PTPRN2: variants seen among roughly 807,000 people sequenced by gnomAD.
PTPRN2 encodes protein tyrosine phosphatase receptor type N2, also known as receptor-type tyrosine-protein phosphatase N2.
Under a neutral mutation model 118.8 loss-of-function variants are expected in PTPRN2, and 74 were observed. The observed-to-expected ratio is 0.62, with a 90% CI of 0.52 to 0.76. The LOEUF (loss-of-function observed/expected upper bound fraction) is 0.76. PTPRN2 is among the 30% of genes least tolerant of loss of function. The probability of loss-of-function intolerance (pLI) is 0.00; values close to 1 mark genes in which losing one functional copy is unlikely to be tolerated. For synonymous variants in PTPRN2, 641 were observed against 608.0 expected (o/e 1.05, Z -0.80); for missense variants, 1,481 against 1,394.4 (o/e 1.06, Z -0.99).
At chr7:158,211,418 G>A (rs1827593792) in intron 3 of PTPRN2, among the ~76,000 whole-genome samples, 1 of 152,100 alleles carries the variant, frequency 6.6e-6, no homozygotes, top group Non-Finnish European at 1.5e-5. Flanking sequence ...ACAAAGTGAA[G>A]AGATACCCAC....
At chr7:158,143,136 C>G (rs1415547116) in intron 6 of PTPRN2, among the ~76,000 whole-genome samples, 4 of 152,182 alleles carry the variant, frequency 2.6e-5, no homozygotes, top group Admixed American at 2.6e-4. Context: ...CGCTCGTCCA[C>G]GTCCACAGGT....
chr7:158,228,616 G>A (rs1395816781), intron 3 of PTPRN2, among the ~76,000 whole-genome samples: 4 of 151,710 alleles, frequency 2.6e-5, no homozygotes, highest in African/African-American at 9.7e-5. Context: ...TACAAAAGGA[G>A]ACAGTTCCCA....
Position 158,066,558 on chromosome 7 carries a change from G to A in PTPRN2, c.1723+14740C>T, listed in dbSNP as rs187016476. Among the ~76,000 whole-genome samples the A allele has an allele frequency of 4.9e-4, 75 of 152,186 alleles. 1 individual carries two copies. The Middle Eastern group carries it at 0.014, about 28-fold the overall frequency. ...TGTCACAAGACATTTACAAAACACC[G>A]TGGAGAAATTCCAAAACCAGGCACT... On this transcript the variant is annotated intron_variant, in intron 11 of 22. Transcript: ENST00000389418.
chr7:157,800,266 C>A (rs1585502168), intron 12 of PTPRN2, among the ~76,000 whole-genome samples: 1 of 152,340 alleles, frequency 6.6e-6, no homozygotes, highest in East Asian at 1.9e-4. Flanking sequence ...TTCTTCTCGT[C>A]CTAACGCTCA....
At chr7:158,583,615 C>A (rs1232981635) in intron 1 of PTPRN2, among the ~76,000 whole-genome samples, 1 of 152,198 alleles carries the variant, frequency 6.6e-6, no homozygotes, top group Non-Finnish European at 1.5e-5. Context: ...CCATTCCCTG[C>A]CCATCCCTTC....
In PTPRN2 at chr7:157,881,166, G is replaced by T. The variant is rs772660552; in HGVS notation, c.1788+17507C>A. On this transcript the variant is annotated intron_variant, in intron 12 of 22. Coordinates refer to ENST00000389418, the MANE Select transcript of PTPRN2 (RefSeq NM_002847.5). The surrounding 1 kb of genome is among the most constrained non-coding windows in gnomAD (Gnocchi z 4.7). ...TATGTGGAGATGGAGGTGTTTACAGGAATCATTACGGTAAAATGAGGTCAT... is the reference window on the plus strand; with the variant it reads ...TATGTGGAGATGGAGGTGTTTACAGTAATCATTACGGTAAAATGAGGTCAT... Among the ~76,000 whole-genome samples, 19 of 143,712 alleles carry T rather than the reference G, an allele frequency of 1.3e-4. No individual in the cohort carries two copies. Among genetic ancestry groups the T allele is most frequent in the African/African-American group, 2.3e-4 (8 of 34,786 alleles). The allele number at this position is 143,712 out of a possible 152,430, so 94.3% of individuals were successfully genotyped here.
intron 12 of PTPRN2, among the ~76,000 whole-genome samples, chr7:157,847,911 T>C (rs1171735698): frequency 9.3e-4 from 76 of 81,328 alleles, no homozygotes; most frequent in South Asian, 2.4e-3. Flanking sequence ...CCCTCTCTCA[T>C]TACATCATGT....
chr7:158,336,592 T>G (rs796207052), intron 2 of PTPRN2, among the ~76,000 whole-genome samples: 2 of 60,682 alleles, frequency 3.3e-5, no homozygotes, highest in African/African-American at 6.4e-5. Flanking sequence ...GCAGACGTCA[T>G]TCACACCCAC....
At chr7:158,467,458 T>A (rs573524199) in intron 2 of PTPRN2, among the ~76,000 whole-genome samples, 17 of 152,332 alleles carry the variant, frequency 1.1e-4, no homozygotes, top group African/African-American at 4.1e-4. Flanking sequence ...TTCAGTTTGA[T>A]ATAGTCCCAC....
intron 14 of PTPRN2, among the ~76,000 whole-genome samples, chr7:157,656,008 C>T (rs532501222): frequency 6.7e-5 from 10 of 149,752 alleles, no homozygotes; most frequent in South Asian, 4.2e-4. Flanking sequence ...CAGCTGCTTC[C>T]GAGTCAGAGG....
chr7:158,083,386 C>T (rs1812992205), intron 10 of PTPRN2, among the ~76,000 whole-genome samples: 2 of 152,168 alleles, frequency 1.3e-5, no homozygotes, highest in African/African-American at 4.8e-5. Context: ...AGCTCAGCCA[C>T]AGGGCTTCAA....
intron 12 of PTPRN2, among the ~76,000 whole-genome samples, chr7:157,731,819 GC>G (rs1799945132): frequency 8.9e-6 from 1 of 111,874 alleles, no homozygotes; most frequent in Non-Finnish European, 1.9e-5. Context: ...TCCGCCCCAT[GC>G]GCCCAGCACA....
chr7:158,374,511 T>C (rs573108390), intron 2 of PTPRN2, among the ~76,000 whole-genome samples: 6 of 152,164 alleles, frequency 3.9e-5, no homozygotes, highest in Non-Finnish European at 7.4e-5. Flanking sequence ...AAAAGGATTG[T>C]ACAAGAATGT....
At chr7:157,645,002 C>A (rs1804965532) in intron 14 of PTPRN2, among the ~76,000 whole-genome samples, 1 of 152,228 alleles carries the variant, frequency 6.6e-6, no homozygotes, top group Non-Finnish European at 1.5e-5. Context: ...CCTTGGTCTT[C>A]CTAAACTTTG....
At chr7:158,085,416 TGAC>T (rs1813269613) in intron 10 of PTPRN2, among the ~76,000 whole-genome samples, 1 of 31,458 alleles carries the variant, frequency 3.2e-5, no homozygotes, top group Admixed American at 4.3e-4. Flanking sequence ...TCCACACCCA[TGAC>T]GCCCATCCAC....
chr7:158,107,215 G>A (rs1411844060), intron 10 of PTPRN2, among the ~76,000 whole-genome samples: 1 of 151,980 alleles, frequency 6.6e-6, no homozygotes, highest in Non-Finnish European at 1.5e-5. Context: ...TTAAGGTTAT[G>A]TCATATACAC....
In PTPRN2 at chr7:157,719,967, A is replaced by T. The variant is rs549642067; in HGVS notation, c.1789-37030T>A. On this transcript the variant is annotated intron_variant, in intron 12 of 22. Transcript: ENST00000389418. ...TTACTGCTGTGGGGTCATACAGATA[A>T]ATAAGACATGGTTCCTATTTCTCAG... Among the ~76,000 whole-genome samples the T allele has an allele frequency of 1.2e-3, 187 of 152,318 alleles. 1 individual carries two copies. The highest frequency in any genetic ancestry group is 2.5e-3 in the Admixed American group (39 of 15,298).
At chr7:158,373,470 A>G (rs1810263162) in intron 2 of PTPRN2, among the ~76,000 whole-genome samples, 1 of 152,214 alleles carries the variant, frequency 6.6e-6, no homozygotes, top group Admixed American at 6.5e-5. Context: ...TCTTTTTAGT[A>G]AACTAGTATT....
chr7:158,042,758 A>C (rs1273080098), intron 11 of PTPRN2, among the ~76,000 whole-genome samples: 2 of 152,208 alleles, frequency 1.3e-5, no homozygotes, highest in Non-Finnish European at 2.9e-5. Context: ...TCTCAGGGCC[A>C]GGGTGACGAG....
Sources: allele counts gnomAD v4.1 joint callset (sites outside exome capture counted in the v4.1 genomes callset), GRCh38; gene constraint gnomAD v4.1.1; non-coding constraint Gnocchi (gnomAD v3.1); transcripts MANE v1.5; gene names NCBI Gene and HGNC (gene_info 2026-07-23, HGNC 2026-07-21).